Variants in KCNMB4 observed in about 807,000 individuals in gnomAD.
KCNMB4 encodes the protein potassium calcium-activated channel subfamily M regulatory beta subunit 4, also known as calcium-activated potassium channel subunit beta-4.
KCNMB4 carries 3 observed loss-of-function variants against 20.7 expected under a neutral mutation model. The observed-to-expected ratio is 0.14, with a 90% CI of 0.07 to 0.37. The LOEUF is 0.37. Among genes scored for constraint, KCNMB4 ranks in the 10% least tolerant of loss-of-function variants. The pLI, the probability that KCNMB4 is intolerant of heterozygous loss-of-function variation, is 1.00. For synonymous variants in KCNMB4, 110 were observed against 113.4 expected (o/e 0.97, Z 0.19); for missense variants, 168 against 265.9 (o/e 0.63, Z 2.56).
At chr12:70,392,089 A>G (rs369490150) in intron 1 of KCNMB4, among the ~76,000 whole-genome samples, 14 of 152,298 alleles carry the variant, frequency 9.2e-5, no homozygotes, top group African/African-American at 3.1e-4. Flanking sequence ...ATTTCATTGT[A>G]TATATATCCA....
At chr12:70,371,271 T>C (rs1436848416) in intron 1 of KCNMB4, among the ~76,000 whole-genome samples, 1 of 152,052 alleles carries the variant, frequency 6.6e-6, no homozygotes, top group African/African-American at 2.4e-5. Context: ...GTGAGAGAAA[T>C]GCATTAAGGA....
chr12:70,392,812 T>C (rs955264283), intron 1 of KCNMB4, among the ~76,000 whole-genome samples: 13 of 152,102 alleles, frequency 8.5e-5, no homozygotes, highest in African/African-American at 3.1e-4. Flanking sequence ...GAGGGCAACA[T>C]CACACACTGG....
chr12:70,402,335 A>G (rs1290515224), intron 2 of KCNMB4, among the ~76,000 whole-genome samples: 2 of 152,004 alleles, frequency 1.3e-5, no homozygotes, highest in African/African-American at 2.4e-5. Context: ...TAGGAAATGT[A>G]TTATTTTATA....
chr12:70,405,758 C>T (rs1868582392), intron 2 of KCNMB4, among the ~76,000 whole-genome samples: 1 of 152,104 alleles, frequency 6.6e-6, no homozygotes, highest in Non-Finnish European at 1.5e-5. Flanking sequence ...TGTCCATCAG[C>T]AGATGAATGG....
intron 2 of KCNMB4, among the ~76,000 whole-genome samples, chr12:70,401,065 AC>A (rs1011766211): frequency 9.9e-5 from 15 of 152,126 alleles, no homozygotes; most frequent in African/African-American, 3.6e-4. Flanking sequence ...TCACTCTGTC[AC>A]CCAGGCTGGA....
chr12:70,428,303 A>G (rs1376615288), intron 2 of KCNMB4, among the ~76,000 whole-genome samples: 2 of 152,190 alleles, frequency 1.3e-5, no homozygotes, highest in African/African-American at 4.8e-5. Context: ...CATCTTAACC[A>G]TTTTAAAATG....
rs7957871 is a variant in KCNMB4, at chr12:70,395,244, C to G, written c.337-4965C>G. On this transcript the variant is annotated intron_variant, in intron 1 of 2. Transcript: ENST00000258111. ...GCTGTATTATGTCTTTCAGTACTAC[C>G]CTCCCTAACCAAATGAAGTCAATGG... Among the ~76,000 whole-genome samples the G allele has an allele frequency of 2.6e-3, 389 of 152,040 alleles. 3 individuals are homozygous for G. Among genetic ancestry groups the G allele is most frequent in the African/African-American group, 9.1e-3 (375 of 41,404 alleles).
chr12:70,383,635 C>G (rs911318880), intron 1 of KCNMB4, among the ~76,000 whole-genome samples: 1 of 152,212 alleles, frequency 6.6e-6, no homozygotes, highest in Non-Finnish European at 1.5e-5. Flanking sequence ...CCTTCCTTGC[C>G]TCTTCCTAGC....
chr12:70,397,916 T>C (rs1196745436), intron 1 of KCNMB4, among the ~76,000 whole-genome samples: 1 of 152,174 alleles, frequency 6.6e-6, no homozygotes, highest in African/African-American at 2.4e-5. Context: ...TACCTCCAAA[T>C]TGGGAAATTT....
intron 2 of KCNMB4, among the ~76,000 whole-genome samples, chr12:70,426,961 C>G (rs1869231993): frequency 6.6e-6 from 1 of 152,094 alleles, no homozygotes; most frequent in Non-Finnish European, 1.5e-5. Flanking sequence ...CATTTGTGTT[C>G]CTGCATACTC....
intron 2 of KCNMB4, among the ~76,000 whole-genome samples, chr12:70,403,980 G>A (rs1323513564): frequency 6.6e-6 from 1 of 152,212 alleles, no homozygotes; most frequent in Non-Finnish European, 1.5e-5. Flanking sequence ...CAAGGAATTA[G>A]GACTTATTGC....
intron 1 of KCNMB4, among the ~76,000 whole-genome samples, chr12:70,399,459 C>G (rs1868397899): frequency 6.6e-6 from 1 of 152,180 alleles, no homozygotes; most frequent in Non-Finnish European, 1.5e-5. Context: ...TGCTGTATTG[C>G]AAACACTCAA....
At chr12:70,382,735 A>G (rs931772540) in intron 1 of KCNMB4, among the ~76,000 whole-genome samples, 1 of 152,228 alleles carries the variant, frequency 6.6e-6, no homozygotes, top group Non-Finnish European at 1.5e-5. Context: ...ACTCTTAGCA[A>G]TAAAAGACCA....
intron 1 of KCNMB4, among the ~76,000 whole-genome samples, chr12:70,393,336 G>A (rs893089706): frequency 6.6e-6 from 1 of 151,992 alleles, no homozygotes; most frequent in African/African-American, 2.4e-5. Context: ...CTAAGTAGCT[G>A]GGATTACAGG....
At chr12:70,407,506 C>A (rs1391099082) in intron 2 of KCNMB4, among the ~76,000 whole-genome samples, 3 of 110,374 alleles carry the variant, frequency 2.7e-5, no homozygotes, top group Non-Finnish European at 5.0e-5. Context: ...CTCACTCTGT[C>A]GCCCAGGCTG....
rs931194916 is a variant in KCNMB4 at position 70,400,455 on chromosome 12, C to T, written c.464+119C>T. ...TGGAGATAGCCTCAACTCTTCTTTG[C>T]GTGTAATTAGGGAAACCCATATAAT... On this transcript the variant is annotated intron_variant, in intron 2 of 2. Coordinates refer to ENST00000258111, the MANE Select transcript of KCNMB4 (RefSeq NM_014505.6). 9 of 1,038,670 alleles carry T rather than the reference C, an allele frequency of 8.7e-6. No individual in the cohort carries two copies. In the African/African-American group the frequency reaches 1.3e-4, roughly 15 times the overall value. The allele number at this position is 1,038,670 out of a possible 1,614,324, so 64.3% of individuals were successfully genotyped here.
At chr12:70,397,897 C>T (rs1868369762) in intron 1 of KCNMB4, among the ~76,000 whole-genome samples, 1 of 152,180 alleles carries the variant, frequency 6.6e-6, no homozygotes, top group Non-Finnish European at 1.5e-5. Flanking sequence ...CTTCACACTT[C>T]ACAGCTTCTA....
chr12:70,367,967 T>C (rs1033829302), intron 1 of KCNMB4, among the ~76,000 whole-genome samples: 2 of 152,144 alleles, frequency 1.3e-5, no homozygotes, highest in Admixed American at 6.5e-5. Flanking sequence ...GAAAAATAAC[T>C]TATAAAAAGC....
At chr12:70,385,858 TTACCA>T (rs1285313474) in intron 1 of KCNMB4, among the ~76,000 whole-genome samples, 9 of 152,128 alleles carry the variant, frequency 5.9e-5, no homozygotes, top group Non-Finnish European at 1.3e-4. Context: ...AATAGACCAA[TTACCA>T]TAGAGGAAAT....
Sources: gnomAD v4.1 joint callset for allele counts (sites outside exome capture counted in the v4.1 genomes callset) on GRCh38, gnomAD v4.1.1 for gene constraint, MANE v1.5 for transcripts, NCBI Gene and HGNC (gene_info 2026-07-23, HGNC 2026-07-21) for gene names.